The following RBFOX1 variants were observed in gnomAD, a reference collection of about 807,000 sequenced individuals.
The protein encoded by RBFOX1 is RNA binding protein fox-1 homolog 1.
A neutral mutation model predicts 57.7 loss-of-function variants in RBFOX1; 8 were observed. The observed-to-expected ratio is 0.14, with a 90% CI of 0.08 to 0.25. RBFOX1 has a LOEUF of 0.25. RBFOX1 is among the 10% of genes least tolerant of loss of function. The probability of loss-of-function intolerance (pLI) is 1.00; values close to 1 mark genes in which losing one functional copy is unlikely to be tolerated. For missense variants in RBFOX1, 611 were observed against 548.5 expected (o/e 1.11, Z -1.14); for synonymous variants, 326 against 222.4 (o/e 1.47, Z -4.15).
intron 14 of RBFOX1, among the ~76,000 whole-genome samples, chr16:7,705,857 T>C (rs1163348720): frequency 1.3e-5 from 2 of 152,136 alleles, no homozygotes; most frequent in South Asian, 2.1e-4. Flanking sequence ...ACATTGAAGA[T>C]TTCTTCCGAA....
At chr16:7,138,167 C>G (rs1005271447) in intron 4 of RBFOX1, among the ~76,000 whole-genome samples, 6 of 151,972 alleles carry the variant, frequency 3.9e-5, no homozygotes, top group Admixed American at 6.6e-5. Context: ...AATGCAAATC[C>G]AAAGCTTTGG....
chr16:5,581,165 A>C (rs1860304), intron 2 of RBFOX1, among the ~76,000 whole-genome samples: 1 of 151,938 alleles, frequency 6.6e-6, no homozygotes, highest in Non-Finnish European at 1.5e-5. Context: ...TCCTATGTGC[A>C]TTTTTTTTTC....
At chr16:7,585,425 G>T (rs1186935505) in intron 6 of RBFOX1, among the ~76,000 whole-genome samples, 1 of 152,170 alleles carries the variant, frequency 6.6e-6, no homozygotes, top group Non-Finnish European at 1.5e-5. Context: ...TTTCCATTGT[G>T]CATGCAAGCA....
At chr16:6,887,536 T>C (rs2064358334) in intron 3 of RBFOX1, among the ~76,000 whole-genome samples, 1 of 151,522 alleles carries the variant, frequency 6.6e-6, no homozygotes. Context: ...CCTATATCTG[T>C]TTATAGACAC....
intron 3 of RBFOX1, among the ~76,000 whole-genome samples, chr16:6,851,074 C>A (rs773448021): frequency 6.6e-6 from 1 of 152,146 alleles, no homozygotes; most frequent in Admixed American, 6.5e-5. Context: ...AGACACACAA[C>A]AACTAGGATG....
At chr16:6,242,073 A>T (rs957336453) in intron 1 of RBFOX1, among the ~76,000 whole-genome samples, 3 of 152,212 alleles carry the variant, frequency 2.0e-5, no homozygotes, top group Non-Finnish European at 4.4e-5. Flanking sequence ...CAGGCAGCTA[A>T]TGCACCTCCC....
chr16:5,842,720 G>A (rs768185599), intron 3 of RBFOX1, among the ~76,000 whole-genome samples: 8 of 152,102 alleles, frequency 5.3e-5, no homozygotes, highest in Non-Finnish European at 8.8e-5. Flanking sequence ...AAAGGCAATG[G>A]GTTAGTCCCA....
chr16:5,373,396 T>G (rs900039816), intron 1 of RBFOX1, among the ~76,000 whole-genome samples: 2 of 152,128 alleles, frequency 1.3e-5, no homozygotes, highest in Non-Finnish European at 2.9e-5. Flanking sequence ...ATTTCCCCCT[T>G]GCTCTTCTTG....
chr16:5,806,802 C>T (rs1211784660), intron 3 of RBFOX1, among the ~76,000 whole-genome samples: 2 of 152,318 alleles, frequency 1.3e-5, no homozygotes, highest in East Asian at 1.9e-4. Context: ...CTGATGCTGT[C>T]AGCCCAGCTC....
intron 2 of RBFOX1, among the ~76,000 whole-genome samples, chr16:6,484,996 C>G (rs1555497508): frequency 6.6e-6 from 1 of 152,076 alleles, no homozygotes; most frequent in Non-Finnish European, 1.5e-5. Flanking sequence ...CCACTGTGTT[C>G]CCTATTTTTT....
intron 3 of RBFOX1, among the ~76,000 whole-genome samples, chr16:5,743,765 A>T (rs1333530749): frequency 6.6e-6 from 1 of 151,148 alleles, no homozygotes. Flanking sequence ...CTTGTCTGAA[A>T]CTCCTGGCCC....
chr16:6,948,734 A>C (rs752128054), intron 3 of RBFOX1, among the ~76,000 whole-genome samples: 1 of 152,080 alleles, frequency 6.6e-6, no homozygotes, highest in East Asian at 1.9e-4. Flanking sequence ...TATGTTTTGA[A>C]ATGTTCACTA....
chr16:5,392,405 T>G lies in RBFOX1; in HGVS notation c.220-74811T>G, dbSNP rs190533510. Among the ~76,000 whole-genome samples the G allele has an allele frequency of 5.3e-5, 8 of 152,290 alleles. No homozygotes were observed. The East Asian group carries it at 1.5e-3, about 29-fold the overall frequency. ...GTACTTCCAAATAAAGTCGCATTCA[T>G]TGGTACTGGAGGTAATACTTGGATA... On this transcript the variant is annotated intron_variant, in intron 1 of 2. Coordinates refer to the RBFOX1 transcript ENST00000585867.
At chr16:6,637,430 T>TATAATATAATATATAAATA (rs1555636558) in intron 2 of RBFOX1, among the ~76,000 whole-genome samples, 1 of 23,518 alleles carries the variant, frequency 4.3e-5, no homozygotes, top group Non-Finnish European at 8.1e-5. Flanking sequence ...TATAAATATA[T>TATAATATAATATATAAATA]TATATAAATA....
At chr16:6,112,238 G>C (rs2152575124) in intron 1 of RBFOX1, among the ~76,000 whole-genome samples, 1 of 152,278 alleles carries the variant, frequency 6.6e-6, no homozygotes, top group Non-Finnish European at 1.5e-5. Flanking sequence ...TGAAATGCAG[G>C]TAGGAATTGA....
At chr16:5,241,150 C>G (rs148786536) in intron 1 of RBFOX1, among the ~76,000 whole-genome samples, 1 of 152,178 alleles carries the variant, frequency 6.6e-6, no homozygotes, top group African/African-American at 2.4e-5. Context: ...CCGTGGGCTG[C>G]CTCAGAGCCC....
chr16:7,124,360 G>T (rs367980733), intron 4 of RBFOX1, among the ~76,000 whole-genome samples: 17 of 152,156 alleles, frequency 1.1e-4, no homozygotes, highest in African/African-American at 3.9e-4. Context: ...GCTGCAGTAA[G>T]CCAAGATCAC....
At chr16:5,255,683 T>C (rs2062575846) in intron 1 of RBFOX1, among the ~76,000 whole-genome samples, 1 of 151,478 alleles carries the variant, frequency 6.6e-6, no homozygotes, top group African/African-American at 2.4e-5. Flanking sequence ...CACCCACCCA[T>C]CTATCCATCC....
chr16:6,528,185 C>T (rs558858455), intron 2 of RBFOX1, among the ~76,000 whole-genome samples: 5 of 152,156 alleles, frequency 3.3e-5, no homozygotes, highest in Admixed American at 3.3e-4. Context: ...TTATCCTCCC[C>T]CCATAAATTG....
Sources: allele counts gnomAD v4.1 joint callset (sites outside exome capture counted in the v4.1 genomes callset), GRCh38; gene constraint gnomAD v4.1.1; transcripts MANE v1.5; gene names NCBI Gene and HGNC (gene_info 2026-07-23, HGNC 2026-07-21).